HNF4G: variants seen among roughly 807,000 people sequenced by gnomAD.
HNF4G encodes the protein hepatocyte nuclear factor 4 gamma, also known as hepatocyte nuclear factor 4-gamma.
HNF4G carries 21 observed loss-of-function variants against 50.9 expected under a neutral mutation model. The ratio of observed to expected loss-of-function variants is 0.41; its 90% CI spans 0.29 to 0.59. The LOEUF (loss-of-function observed/expected upper bound fraction) is 0.59. Ranked by LOEUF, HNF4G falls within the 20% of genes least tolerant of loss-of-function variation. The pLI is 0.26. For synonymous variants in HNF4G, 198 were observed against 185.6 expected, an observed-to-expected ratio of 1.07 and a Z score of -0.54; for missense variants, 527 against 559.4, an observed-to-expected ratio of 0.94 and a Z score of 0.58.
At chr8:75,451,597 A>G (rs184626264) in intron 1 of HNF4G, among the ~76,000 whole-genome samples, 62 of 152,254 alleles carry the variant, frequency 4.1e-4, no homozygotes, top group Non-Finnish European at 7.2e-4. Flanking sequence ...TATTGAAGAG[A>G]CTGCCCTTTT....
At chr8:75,535,075 A>T (rs538958377), upstream of HNF4G, among the ~76,000 whole-genome samples, 42 of 151,922 alleles carry the variant, frequency 2.8e-4, no homozygotes, top group South Asian at 7.9e-3. Context: ...AGAAAAAATA[A>T]TTTTTGTTTA....
At chr8:75,438,109 T>A (rs187051761) in intron 1 of HNF4G, among the ~76,000 whole-genome samples, 1 of 152,334 alleles carries the variant, frequency 6.6e-6, no homozygotes, top group East Asian at 1.9e-4. Flanking sequence ...ATTGTTCCCA[T>A]ATTTTGTTAC....
chr8:75,419,888 A>G (rs1810738156), intron 1 of HNF4G, among the ~76,000 whole-genome samples: 1 of 152,236 alleles, frequency 6.6e-6, no homozygotes, highest in Admixed American at 6.5e-5. Context: ...TTTAGTTTGC[A>G]CATCTCTAAT....
intron 1 of HNF4G, among the ~76,000 whole-genome samples, chr8:75,477,111 C>T (rs2037095): frequency 0.42 from 64,054 of 152,008 alleles, 15,931 homozygotes; most frequent in African/African-American, 0.7. Context: ...ATAACACCTT[C>T]AGCAGAGTTT....
At position 75,428,072 on chromosome 8, in the gene HNF4G, G is replaced by A. The variant is rs559896562; in HGVS notation, c.-144+19910G>A. Among the ~76,000 whole-genome samples the A allele has an allele frequency of 2.5e-3, 379 of 152,228 alleles. 1 individual carries two copies. The highest frequency in any genetic ancestry group is 8.7e-3 in the African/African-American group (361 of 41,536). ...ACTTATAATGGAACATTACATTGTG[G>A]TGAGAACATATAAACTAGAGGTATA... is the stretch of plus-strand genomic sequence containing the variant. On this transcript the variant is annotated intron_variant, in intron 1 of 10. Transcript: ENST00000354370.
chr8:75,552,982 AAG>A, intron 4 of HNF4G, 58 bp from the exon 5 acceptor site: 1 of 1,242,566 alleles, frequency 8.0e-7, no homozygotes, highest in Non-Finnish European at 1.1e-6. Context: ...AAAAGAAAAA[AAG>A]GGGAATGTTG....
chr8:75,512,760 G>A (rs566594323), intron 2 of HNF4G, among the ~76,000 whole-genome samples: 3 of 152,066 alleles, frequency 2.0e-5, no homozygotes, highest in Non-Finnish European at 4.4e-5. Flanking sequence ...CACCGCGCCC[G>A]GTCAACATCT....
At chr8:75,479,403 T>G (rs1361123666) in intron 1 of HNF4G, among the ~76,000 whole-genome samples, 1 of 152,218 alleles carries the variant, frequency 6.6e-6, no homozygotes, top group African/African-American at 2.4e-5. Flanking sequence ...AGAAGACTGA[T>G]TTTTAGTAAC....
chr8:75,458,955 T>G (rs533000895), intron 1 of HNF4G, among the ~76,000 whole-genome samples: 3 of 152,214 alleles, frequency 2.0e-5, no homozygotes, highest in African/African-American at 7.2e-5. Context: ...TAATGGTCTT[T>G]ATCTCAGGCA....
chr8:75,558,777 C>T (rs1807209370), intron 7 of HNF4G, 24 bp from the exon 8 acceptor site: 2 of 1,595,902 alleles, frequency 1.3e-6, no homozygotes, highest in East Asian at 4.5e-5. Flanking sequence ...AATCTGTACA[C>T]TGCCTCTCTT....
At chr8:75,526,836 G>C (rs192446423) in intron 2 of HNF4G, 2 of 151,356 alleles carry the variant, frequency 1.3e-5, no homozygotes, top group East Asian at 3.9e-4. Context: ...GCGTGATCTC[G>C]GCTCACTGCA....
At chr8:75,563,614 A>G (rs1261160513) in intron 9 of HNF4G, among the ~76,000 whole-genome samples, 1 of 152,086 alleles carries the variant, frequency 6.6e-6, no homozygotes, top group East Asian at 1.9e-4. Context: ...ATTGTTTTCT[A>G]ATATTTGAGA....
At chr8:75,454,300 A>T (rs1486950089) in intron 1 of HNF4G, among the ~76,000 whole-genome samples, 1 of 152,144 alleles carries the variant, frequency 6.6e-6, no homozygotes, top group Non-Finnish European at 1.5e-5. Flanking sequence ...CATCCAGTCT[A>T]TAGTACTTTG....
chr8:75,411,894 A>T (rs1810512991), intron 1 of HNF4G, among the ~76,000 whole-genome samples: 1 of 152,200 alleles, frequency 6.6e-6, no homozygotes, highest in Non-Finnish European at 1.5e-5. Context: ...TAGGGTAATT[A>T]CATATGCTAA....
At chr8:75,555,288 A>G (rs1177274943) in intron 5 of HNF4G, among the ~76,000 whole-genome samples, 1 of 152,178 alleles carries the variant, frequency 6.6e-6, no homozygotes. Context: ...TTACGGTGTC[A>G]TTTACTAGAT....
chr8:75,413,220 T>C (rs1474213498), intron 1 of HNF4G, among the ~76,000 whole-genome samples: 1 of 150,832 alleles, frequency 6.6e-6, no homozygotes, highest in Non-Finnish European at 1.5e-5. Context: ...TGAGTTAAGA[T>C]TTTTTTTCTT....
In HNF4G at chr8:75,495,845, G is replaced by A. The variant is rs139087615; in HGVS notation, c.-24+5637G>A. The stretch of plus-strand genomic sequence containing the variant: ...TGATACAAACATACACACTACATAT[G>A]CAGTATAAAGAATAATACTGAAATA... On this transcript the variant is annotated intron_variant, in intron 2 of 10. Coordinates refer to the HNF4G transcript ENST00000354370. Among the ~76,000 whole-genome samples, 18 of 152,106 alleles carry A rather than the reference G, an allele frequency of 1.2e-4. No individual in the cohort carries two copies. In the East Asian group the frequency reaches 3.5e-3, roughly 29 times the overall value.
At chr8:75,483,753 C>A (rs1024515032) in intron 1 of HNF4G, among the ~76,000 whole-genome samples, 1 of 152,120 alleles carries the variant, frequency 6.6e-6, no homozygotes, top group African/African-American at 2.4e-5. Context: ...ACTTTAAAAA[C>A]TGTGTATCTA....
intron 1 of HNF4G, among the ~76,000 whole-genome samples, chr8:75,459,441 G>A (rs998721090): frequency 6.6e-6 from 1 of 152,128 alleles, no homozygotes; most frequent in Non-Finnish European, 1.5e-5. Flanking sequence ...CCTACAAAAT[G>A]TGATCAGGAA....
Sources: gnomAD v4.1 joint callset for allele counts (sites outside exome capture counted in the v4.1 genomes callset) on GRCh38, gnomAD v4.1.1 for gene constraint, MANE v1.5 for transcripts, NCBI Gene and HGNC (gene_info 2026-07-23, HGNC 2026-07-21) for gene names.